The following MCF2L variants were observed in gnomAD, a reference collection of about 807,000 sequenced individuals.
MCF2L encodes MCF.2 cell line derived transforming sequence like.
MCF2L carries 97 observed loss-of-function variants against 153.4 expected under a neutral mutation model. That is an observed-to-expected ratio of 0.63 (90% CI 0.54 to 0.75). MCF2L has a LOEUF of 0.75. Among genes scored for constraint, MCF2L ranks in the 30% least tolerant of loss-of-function variants. The pLI is 0.00. For synonymous variants in MCF2L, 659 were observed against 632.2 expected (o/e 1.04, Z -0.64); for missense variants, 1,347 against 1,495.2 (o/e 0.90, Z 1.64).
At chr13:113,088,212 A>G in intron 23 of MCF2L, 115 bp from the exon 24 acceptor site, 1 of 919,370 alleles carries the variant, frequency 1.1e-6, no homozygotes. Flanking sequence ...CCTCACACGC[A>G]GCCACCTGAC....
At chr13:113,026,873 G>A (rs756272432) in intron 3 of MCF2L, 16 of 742,856 alleles carry the variant, frequency 2.2e-5, no homozygotes, top group East Asian at 1.0e-4. Context: ...CCCCAGCGGC[G>A]GGCAGGAGAG....
intron 1 of MCF2L, among the ~76,000 whole-genome samples, chr13:112,986,034 C>T (rs76603733): frequency 0.017 from 2,549 of 152,352 alleles, 50 homozygotes; most frequent in African/African-American, 0.057. Flanking sequence ...CCCCCAGGGC[C>T]GTGCGTGGGG....
At chr13:112,964,835 T>A (rs1243721844), upstream of MCF2L, 1 of 152,246 alleles carries the variant, frequency 6.6e-6, no homozygotes, top group Non-Finnish European at 1.5e-5. Flanking sequence ...CTCTAGGTGA[T>A]GCTGTTAAAG....
intron 26 of MCF2L, chr13:113,090,923 C>T: frequency 8.4e-7 from 1 of 1,188,624 alleles, no homozygotes; most frequent in Non-Finnish European, 1.1e-6. Context: ...CACTCCCATG[C>T]CCTCCCGGCC....
chr13:112,985,133 C>T (rs2082582073), intron 1 of MCF2L: 1 of 283,756 alleles, frequency 3.5e-6, no homozygotes, highest in Admixed American at 4.4e-5. Flanking sequence ...CCTCAAGTTC[C>T]TCTCGGGCGG....
At chr13:113,005,986 A>G (rs763806629) in intron 1 of MCF2L, among the ~76,000 whole-genome samples, 5 of 152,198 alleles carry the variant, frequency 3.3e-5, no homozygotes, top group Non-Finnish European at 7.3e-5. Flanking sequence ...CTGCTTAGCG[A>G]AAATCATCGG....
chr13:112,973,093 TGAA>T (rs2082107171), intron 1 of MCF2L, among the ~76,000 whole-genome samples: 1 of 151,922 alleles, frequency 6.6e-6, no homozygotes, highest in Admixed American at 6.5e-5. Flanking sequence ...TGTGTGGAAT[TGAA>T]GAGCTCTCAG....
chr13:112,982,051 A>T (rs1191745592), intron 1 of MCF2L, among the ~76,000 whole-genome samples: 1 of 152,118 alleles, frequency 6.6e-6, no homozygotes, highest in African/African-American at 2.4e-5. Flanking sequence ...CTAGGCCCGG[A>T]GTGCAGCAGT....
At chr13:113,044,238 G>A (rs1003993712) in intron 3 of MCF2L, 13 of 239,450 alleles carry the variant, frequency 5.4e-5, no homozygotes, top group Admixed American at 9.9e-5. Flanking sequence ...CATTTTTCAC[G>A]GCCAGATGCA....
intron 9 of MCF2L, among the ~76,000 whole-genome samples, chr13:113,071,978 C>A (rs2032964787): frequency 6.6e-6 from 1 of 152,138 alleles, no homozygotes; most frequent in African/African-American, 2.4e-5. Context: ...TGTGTTGACT[C>A]TTCTAGTCAA....
intron 1 of MCF2L, among the ~76,000 whole-genome samples, chr13:112,899,563 G>C (rs1162216884): frequency 1.3e-5 from 2 of 152,198 alleles, no homozygotes; most frequent in African/African-American, 2.4e-5. Flanking sequence ...GTTAACTCTG[G>C]TGTCCTTCAC....
At chr13:113,017,041 C>T (rs1050022220) in intron 2 of MCF2L, among the ~76,000 whole-genome samples, 5 of 152,216 alleles carry the variant, frequency 3.3e-5, no homozygotes, top group African/African-American at 2.4e-5. Flanking sequence ...AGCAGTACCA[C>T]GTCTGAGAAG....
rs1161680725 is a variant in MCF2L at position 113,096,400 on chromosome 13, C to G, written c.3105C>G (p.Asp1035Glu). ...CAGGTAAATACACGGTCGTGGCGGA[C>G]CACGAGAAGGGAGGCCCCGATGCGC... ...LVPGKYTVVA[D>E]HEKGGPDALR... The change falls in exon 28 of 30, where the codon GAC becomes GAG. Residue 1035 changes from aspartate (D) to glutamate (E), a missense_variant. Transcript: ENST00000535094. 9.4e-6 allele frequency: 15 copies of G among 1,591,964 alleles called. No homozygotes were observed. The highest frequency in any genetic ancestry group is 1.3e-5 in the Non-Finnish European group (15 of 1,170,634).
At chr13:112,937,364 A>C (rs56041569) in intron 2 of MCF2L, among the ~76,000 whole-genome samples, 2,704 of 152,352 alleles carry the variant, frequency 0.018, 42 homozygotes, top group Non-Finnish European at 0.028. Context: ...GTTTGAAATT[A>C]TAGTATGGTG....
At chr13:112,927,761 A>G (rs2081422515) in intron 2 of MCF2L, among the ~76,000 whole-genome samples, 1 of 152,214 alleles carries the variant, frequency 6.6e-6, no homozygotes, top group South Asian at 2.1e-4. Flanking sequence ...ACAGAGGCAC[A>G]TGATAAACAC....
rs1435939320 is a variant in MCF2L at position 113,053,473 on chromosome 13, G to A, written c.370-7120G>A. Among the ~76,000 whole-genome samples the A allele has an allele frequency of 6.6e-6, 1 of 152,220 alleles. No homozygotes were observed. Among genetic ancestry groups the A allele is most frequent in the Non-Finnish European group, 1.5e-5 (1 of 68,040 alleles). Reference sequence around the variant, plus strand: ...GGGTGAGCTTCTGGGGCAGCCCGTGGAGGCCCAGGATGTCCATGTGTCCCG... The same window carrying A: ...GGGTGAGCTTCTGGGGCAGCCCGTGAAGGCCCAGGATGTCCATGTGTCCCG... On this transcript the variant is annotated intron_variant, in intron 4 of 29. Transcript: ENST00000535094. The surrounding 1 kb of genome is among the most constrained non-coding windows in gnomAD (Gnocchi z 4.4).
intron 25 of MCF2L, 151 bp downstream of exon 25, chr13:113,088,779 G>A (rs967118986): frequency 4.1e-5 from 31 of 751,854 alleles, no homozygotes; most frequent in Non-Finnish European, 5.8e-5. Flanking sequence ...TGACGGGTCC[G>A]TCCCAGAGGG....
chr13:113,094,529 C>A lies in MCF2L; in HGVS notation c.2969C>A (p.Ser990Tyr), dbSNP rs764843176. Reference protein sequence around the residue: ...PEKGKGWSKTSHSLEAPEDDG... With the variant: ...PEKGKGWSKTYHSLEAPEDDG... ...TCTCTCTTAGGTTGGAGCAAAACGT[C>A]CCACTCACTGGAGGCACCTGAGGAC... The change falls in exon 27 of 30, where the codon TCC becomes TAC. Residue 990 changes from serine to tyrosine, a missense_variant. Transcript: ENST00000535094. The A allele has an allele frequency of 1.9e-6, 3 of 1,611,966 alleles. No individual in the cohort carries two copies. The highest frequency in any genetic ancestry group is 1.7e-6 in the Non-Finnish European group (2 of 1,179,452).
Position 112,943,211 on chromosome 13 carries a change from C to T in MCF2L, c.169+40840C>T, listed in dbSNP as rs1179258135. 1.3e-5 allele frequency among the ~76,000 whole-genome samples: 2 copies of T among 152,188 alleles called. No homozygotes were observed. Among genetic ancestry groups the T allele is most frequent in the Non-Finnish European group, 2.9e-5 (2 of 68,032 alleles). ...ACAGCCCTCAGTGGACTTCTGTCCT[C>T]ACCATGTTTCCCACTGGCACAGGTG... On this transcript the variant is annotated intron_variant, in intron 2 of 29. Coordinates refer to the MCF2L transcript ENST00000375608. The surrounding 1 kb of genome is among the most constrained non-coding windows in gnomAD (Gnocchi z 4.2).
Sources: allele counts gnomAD v4.1 joint callset (sites outside exome capture counted in the v4.1 genomes callset), GRCh38; gene constraint gnomAD v4.1.1; non-coding constraint Gnocchi (gnomAD v3.1); transcripts MANE v1.5; gene names NCBI Gene and HGNC (gene_info 2026-07-23, HGNC 2026-07-21).